Variants in BCHE observed in about 807,000 individuals in gnomAD.
BCHE encodes the protein cholinesterase.
BCHE carries 48 observed loss-of-function variants against 51.3 expected under a neutral mutation model. The observed-to-expected ratio is 0.94, with a 90% CI of 0.74 to 1.19. The LOEUF (loss-of-function observed/expected upper bound fraction) is 1.19, where lower values mean the gene tolerates loss of function less well. Among genes scored for constraint, BCHE ranks in the 50% most tolerant of loss-of-function variants. The probability of loss-of-function intolerance (pLI) is 0.00; values close to 1 mark genes in which losing one functional copy is unlikely to be tolerated. For missense variants in BCHE, 847 were observed against 708.2 expected, an observed-to-expected ratio of 1.20 and a Z score of -2.23; for synonymous variants, 251 against 238.0, an observed-to-expected ratio of 1.05 and a Z score of -0.50.
At chr3:165,809,615 G>A (rs968483783) in intron 2 of BCHE, among the ~76,000 whole-genome samples, 1 of 151,866 alleles carries the variant, frequency 6.6e-6, no homozygotes, top group Non-Finnish European at 1.5e-5. Flanking sequence ...TTGTATTAAG[G>A]CAAATGTATT....
At chr3:165,808,453 A>G (rs1454286918) in intron 2 of BCHE, among the ~76,000 whole-genome samples, 5 of 152,096 alleles carry the variant, frequency 3.3e-5, no homozygotes, top group African/African-American at 9.7e-5. Context: ...TGAGAAAGTC[A>G]TATATTCCTT....
chr3:165,826,712 A>C (rs1305684112), intron 2 of BCHE, among the ~76,000 whole-genome samples: 4 of 152,152 alleles, frequency 2.6e-5, no homozygotes, highest in Admixed American at 6.6e-5. Context: ...TGAATCATGA[A>C]CTTGAAAACT....
chr3:165,787,799 T>C (rs79790650), intron 2 of BCHE, among the ~76,000 whole-genome samples: 8,049 of 152,008 alleles, frequency 0.053, 284 homozygotes, highest in Non-Finnish European at 0.079. Flanking sequence ...CTTGTAGGCA[T>C]TTACTACTCT....
intron 2 of BCHE, among the ~76,000 whole-genome samples, chr3:165,789,601 A>C (rs1713092723): frequency 6.6e-6 from 1 of 152,152 alleles, no homozygotes. Flanking sequence ...AATATATTTT[A>C]ATTAGCTTTA....
intron 2 of BCHE, among the ~76,000 whole-genome samples, chr3:165,813,101 A>T (rs890195910): frequency 2.6e-5 from 4 of 151,980 alleles, no homozygotes; most frequent in African/African-American, 9.6e-5. Context: ...ACCAGAAAAA[A>T]TATCATAAAA....
intron 3 of BCHE, among the ~76,000 whole-genome samples, chr3:165,775,986 G>A (rs1179530857): frequency 6.6e-6 from 1 of 151,606 alleles, no homozygotes; most frequent in Admixed American, 6.6e-5. Flanking sequence ...TTATTACTAA[G>A]AAGACAAAAT....
chr3:165,788,099 T>C (rs370459550), intron 2 of BCHE, among the ~76,000 whole-genome samples: 1 of 110,738 alleles, frequency 9.0e-6, no homozygotes, highest in Non-Finnish European at 1.8e-5. Flanking sequence ...TTTGGAGTAG[T>C]ATGAGCCGAT....
intron 3 of BCHE, among the ~76,000 whole-genome samples, chr3:165,785,942 G>GCATATATTTAAC (rs1286933201): frequency 1.3e-5 from 2 of 151,544 alleles, no homozygotes; most frequent in African/African-American, 4.8e-5. Flanking sequence ...AACTACTAAA[G>GCATATATTTAAC]TACTGGTCAT....
chr3:165,800,631 C>A (rs1260935107), intron 2 of BCHE, among the ~76,000 whole-genome samples: 1 of 152,020 alleles, frequency 6.6e-6, no homozygotes, highest in Admixed American at 6.6e-5. Context: ...TAAAGATAAC[C>A]TCTTCATTGT....
At chr3:165,832,311 T>G (rs1358650613) in intron 1 of BCHE, among the ~76,000 whole-genome samples, 1 of 152,156 alleles carries the variant, frequency 6.6e-6, no homozygotes, top group Non-Finnish European at 1.5e-5. Context: ...ATGTCTCTTT[T>G]GAGATGGAGT....
chr3:165,788,107 G>A (rs907444550), intron 2 of BCHE, among the ~76,000 whole-genome samples: 1 of 64,118 alleles, frequency 1.6e-5, no homozygotes, highest in Non-Finnish European at 3.0e-5. Context: ...AGTATGAGCC[G>A]ATCTAAGTTT....
chr3:165,796,735 T>C (rs773865229), intron 2 of BCHE, among the ~76,000 whole-genome samples: 1 of 152,172 alleles, frequency 6.6e-6, no homozygotes, highest in Non-Finnish European at 1.5e-5. Context: ...TAACCCACTC[T>C]CCTAAATACT....
At chr3:165,811,234 A>G (rs142078148) in intron 2 of BCHE, among the ~76,000 whole-genome samples, 3,039 of 152,248 alleles carry the variant, frequency 0.02, 39 homozygotes, top group Non-Finnish European at 0.03. Context: ...TCCATTTTGT[A>G]GGCAGTTAGA....
chr3:165,777,499 A>G (rs1712515865), intron 3 of BCHE, among the ~76,000 whole-genome samples: 1 of 152,156 alleles, frequency 6.6e-6, no homozygotes, highest in South Asian at 2.1e-4. Context: ...TCAAATAGAC[A>G]TATCAACTAA....
chr3:165,789,075 C>T (rs567763438), intron 2 of BCHE, among the ~76,000 whole-genome samples: 5 of 152,244 alleles, frequency 3.3e-5, no homozygotes, highest in Admixed American at 6.5e-5. Flanking sequence ...ATTTAAACAT[C>T]TTGACTTTGC....
chr3:165,808,267 G>A (rs1576855359), intron 2 of BCHE, among the ~76,000 whole-genome samples: 1 of 152,034 alleles, frequency 6.6e-6, no homozygotes. Context: ...TTACAGGCGC[G>A]ATATTGCTTG....
intron 2 of BCHE, among the ~76,000 whole-genome samples, chr3:165,811,064 T>G (rs1045418593): frequency 6.6e-6 from 1 of 152,172 alleles, no homozygotes; most frequent in African/African-American, 2.4e-5. Context: ...TAATTGATAT[T>G]TAAGACGCAA....
At chr3:165,806,327 T>C (rs926378840) in intron 2 of BCHE, among the ~76,000 whole-genome samples, 6 of 152,218 alleles carry the variant, frequency 3.9e-5, no homozygotes, top group Admixed American at 2.6e-4. Context: ...AAACTTTTTA[T>C]TTCTTTAAGA....
At chr3:165,777,420 A>C (rs1173646683) in intron 3 of BCHE, among the ~76,000 whole-genome samples, 2 of 151,962 alleles carry the variant, frequency 1.3e-5, no homozygotes, top group East Asian at 3.9e-4. Context: ...TAAATATATA[A>C]ATATGTAAAA....
Sources: allele counts gnomAD v4.1 joint callset (sites outside exome capture counted in the v4.1 genomes callset), GRCh38; gene constraint gnomAD v4.1.1; transcripts MANE v1.5; gene names NCBI Gene and HGNC (gene_info 2026-07-23, HGNC 2026-07-21).